CHSY1: variants seen among roughly 807,000 people sequenced by gnomAD.
CHSY1 encodes the protein chondroitin sulfate synthase 1.
CHSY1 carries 13 observed loss-of-function variants against 59.8 expected under a neutral mutation model. The ratio of observed to expected loss-of-function variants is 0.22; its 90% confidence interval spans 0.14 to 0.35. The LOEUF (loss-of-function observed/expected upper bound fraction) is 0.35. Among genes scored for constraint, CHSY1 ranks in the 10% least tolerant of loss-of-function variants. CHSY1 has a pLI of 1.00. For missense variants in CHSY1, 947 were observed against 1,030.6 expected (o/e 0.92, Z 1.11); for synonymous variants, 459 against 401.2 (o/e 1.14, Z -1.72).
chr15:101,234,126 T>C (rs866072214), intron 2 of CHSY1, among the ~76,000 whole-genome samples: 1 of 152,228 alleles, frequency 6.6e-6, no homozygotes, highest in African/African-American at 2.4e-5. Context: ...TCTCTACAAC[T>C]GCTACAGAGA....
chr15:101,224,708 C>T (rs776896483), intron 2 of CHSY1, among the ~76,000 whole-genome samples: 1 of 152,168 alleles, frequency 6.6e-6, no homozygotes, highest in African/African-American at 2.4e-5. Context: ...TAATACTTCA[C>T]GTCCACACAC....
intron 2 of CHSY1, among the ~76,000 whole-genome samples, chr15:101,204,254 C>T (rs925991533): frequency 2.6e-5 from 4 of 151,794 alleles, no homozygotes; most frequent in African/African-American, 9.7e-5. Context: ...GCCAATATGG[C>T]GAAACCCCAT....
At chr15:101,179,031 G>T in intron 2 of CHSY1, 51 bp from the exon 3 acceptor site, 1 of 1,537,204 alleles carries the variant, frequency 6.5e-7, no homozygotes, top group Non-Finnish European at 9.0e-7. Context: ...ATGATTGAGT[G>T]CCAGCACATG....
chr15:101,193,527 C>A lies in CHSY1; in HGVS notation c.817-14547G>T, dbSNP rs547048267. Among the ~76,000 whole-genome samples the A allele has an allele frequency of 2.5e-4, 38 of 152,376 alleles. No individual in the cohort carries two copies. In the South Asian group the frequency reaches 7.5e-3, roughly 30 times the overall value. On this transcript the variant is annotated intron_variant, in intron 2 of 2. Transcript: ENST00000254190. Reference sequence around the variant, plus strand: ...GCTGGGCCACCAGCCTGACCAGCTGCCCGGGAGCAGGCGAACGCTCCTTCC... The same window carrying A: ...GCTGGGCCACCAGCCTGACCAGCTGACCGGGAGCAGGCGAACGCTCCTTCC...
intron 2 of CHSY1, among the ~76,000 whole-genome samples, chr15:101,200,681 G>C (rs548677979): frequency 6.6e-5 from 10 of 152,288 alleles, no homozygotes; most frequent in Admixed American, 5.9e-4. Context: ...CCGCAAGCAA[G>C]CCTCTCAGCT....
chr15:101,182,161 T>C (rs12594381), intron 2 of CHSY1, among the ~76,000 whole-genome samples: 2,721 of 152,326 alleles, frequency 0.018, 39 homozygotes, highest in East Asian at 0.1. Context: ...CTTGTAATAT[T>C]ATGACTTTTC....
intron 2 of CHSY1, among the ~76,000 whole-genome samples, chr15:101,200,198 G>C (rs1013654523): frequency 3.9e-5 from 6 of 152,184 alleles, no homozygotes; most frequent in African/African-American, 1.2e-4. Context: ...CATTTCATGA[G>C]CCAGTTTACT....
At chr15:101,205,139 TTA>T (rs3214956) in intron 2 of CHSY1, among the ~76,000 whole-genome samples, 2,488 of 152,290 alleles carry the variant, frequency 0.016, 29 homozygotes, top group East Asian at 0.073. Context: ...TTCTAATATT[TTA>T]TCTTTTTTTT....
At chr15:101,200,584 C>G (rs1439709112) in intron 2 of CHSY1, among the ~76,000 whole-genome samples, 1 of 152,144 alleles carries the variant, frequency 6.6e-6, no homozygotes, top group Admixed American at 6.5e-5. Context: ...GAACACCTGC[C>G]AGCCCCTGCA....
At chr15:101,195,991 G>A (rs1420541450) in intron 2 of CHSY1, among the ~76,000 whole-genome samples, 1 of 151,958 alleles carries the variant, frequency 6.6e-6, no homozygotes, top group Non-Finnish European at 1.5e-5. Flanking sequence ...GCTCATGCCT[G>A]TAATCCCAAC....
chr15:101,249,575 A>G (rs1349703571), intron 1 of CHSY1, among the ~76,000 whole-genome samples: 1 of 135,460 alleles, frequency 7.4e-6, no homozygotes, highest in Non-Finnish European at 1.5e-5. Context: ...GTGCAGTGGC[A>G]TGATCTTGGC....
At chr15:101,232,163 A>C (rs2038898992) in intron 2 of CHSY1, among the ~76,000 whole-genome samples, 1 of 152,254 alleles carries the variant, frequency 6.6e-6, no homozygotes, top group Admixed American at 6.5e-5. Flanking sequence ...CGCCAAAAAA[A>C]ACACTATACC....
At chr15:101,211,396 G>A (rs1240004784) in intron 2 of CHSY1, among the ~76,000 whole-genome samples, 1 of 152,190 alleles carries the variant, frequency 6.6e-6, no homozygotes, top group East Asian at 1.9e-4. Flanking sequence ...ATAATGAAAG[G>A]TGTGTCAGAC....
At chr15:101,225,327 C>A (rs907082345) in intron 2 of CHSY1, among the ~76,000 whole-genome samples, 1 of 152,064 alleles carries the variant, frequency 6.6e-6, no homozygotes, top group African/African-American at 2.4e-5. Context: ...CTTGGTGCTG[C>A]GATTACAGGC....
chr15:101,229,305 C>T (rs1294167295), intron 2 of CHSY1, among the ~76,000 whole-genome samples: 1 of 152,162 alleles, frequency 6.6e-6, no homozygotes, highest in Non-Finnish European at 1.5e-5. Context: ...CAACTATATG[C>T]TGTCTTCATG....
At chr15:101,217,691 G>C (rs1258805961) in intron 2 of CHSY1, among the ~76,000 whole-genome samples, 1 of 152,166 alleles carries the variant, frequency 6.6e-6, no homozygotes, top group East Asian at 1.9e-4. Flanking sequence ...CAAAATAAAA[G>C]CGTATATAAT....
chr15:101,199,136 A>G (rs777585161), intron 2 of CHSY1, among the ~76,000 whole-genome samples: 11 of 152,160 alleles, frequency 7.2e-5, no homozygotes, highest in Non-Finnish European at 1.2e-4. Context: ...CCTGACACCA[A>G]GACACTCTGT....
At chr15:101,238,240 C>T (rs1021252662) in intron 1 of CHSY1, among the ~76,000 whole-genome samples, 9 of 131,268 alleles carry the variant, frequency 6.9e-5, no homozygotes, top group Admixed American at 2.1e-4. Flanking sequence ...GTGAAACCAT[C>T]GGCACCATCC....
chr15:101,214,956 G>C (rs1460896421), intron 2 of CHSY1, among the ~76,000 whole-genome samples: 2 of 152,202 alleles, frequency 1.3e-5, no homozygotes, highest in Admixed American at 6.5e-5. Flanking sequence ...TCTCTTGACA[G>C]TGAGTTCTCG....
Sources: allele counts gnomAD v4.1 joint callset (sites outside exome capture counted in the v4.1 genomes callset), GRCh38; gene constraint gnomAD v4.1.1; transcripts MANE v1.5; gene names NCBI Gene and HGNC (gene_info 2026-07-23, HGNC 2026-07-21).